Variants in MYO3A observed in about 807,000 individuals in gnomAD.
MYO3A encodes myosin-IIIa.
Under a neutral mutation model 192.7 loss-of-function variants are expected in MYO3A, and 180 were observed. The ratio of observed to expected loss-of-function variants is 0.93; its 90% CI spans 0.83 to 1.06. The LOEUF (loss-of-function observed/expected upper bound fraction) is 1.06, where lower values mean the gene tolerates loss of function less well. Ranked by LOEUF, MYO3A falls within the 50% of genes least tolerant of loss-of-function variation. The pLI, the probability that MYO3A is intolerant of heterozygous loss-of-function variation, is 0.00. For synonymous variants in MYO3A, 628 were observed against 645.3 expected, an observed-to-expected ratio of 0.97 and a Z score of 0.41; for missense variants, 1,896 against 1,905.0, an observed-to-expected ratio of 1.00 and a Z score of 0.09.
At chr10:26,007,118 C>A (rs1163753672) in intron 6 of MYO3A, among the ~76,000 whole-genome samples, 1 of 148,272 alleles carries the variant, frequency 6.7e-6, no homozygotes, top group South Asian at 2.1e-4. Flanking sequence ...TCAACAGAAC[C>A]GAAGACAAAA....
rs188758107 is a variant in MYO3A, at chr10:26,007,925, G to A, written c.509-8895G>A. 9.2e-5 allele frequency among the ~76,000 whole-genome samples: 14 copies of A among 152,204 alleles called. No individual in the cohort carries two copies. In the East Asian group the frequency reaches 2.1e-3, roughly 23 times the overall value. On this transcript the variant is annotated intron_variant, in intron 6 of 34. Transcript: ENST00000642920. ...ACCAAAAAAGAGCCTGCATCGCTAA[G>A]TCAATCCTAAGCCAAAAGAACAAAG...
intron 34 of MYO3A, among the ~76,000 whole-genome samples, chr10:26,205,407 G>T (rs553779497): frequency 1.0e-4 from 15 of 146,782 alleles, no homozygotes; most frequent in African/African-American, 3.8e-4. Flanking sequence ...TCTCTCCCCA[G>T]TCCCGTGACC....
intron 6 of MYO3A, among the ~76,000 whole-genome samples, chr10:26,009,333 T>G (rs1262751353): frequency 1.3e-5 from 2 of 152,114 alleles, no homozygotes; most frequent in Non-Finnish European, 2.9e-5. Context: ...TGTATACATA[T>G]GTAACTAACC....
At chr10:26,059,888 G>A (rs548733267) in intron 10 of MYO3A, among the ~76,000 whole-genome samples, 4 of 152,284 alleles carry the variant, frequency 2.6e-5, no homozygotes, top group South Asian at 2.1e-4. Flanking sequence ...TTGGGAGGCT[G>A]AGGCGGACGG....
intron 4 of MYO3A, among the ~76,000 whole-genome samples, chr10:25,996,182 C>T (rs1238021080): frequency 3.9e-5 from 6 of 152,352 alleles, no homozygotes; most frequent in Admixed American, 2.0e-4. Context: ...CTTTGTTCAC[C>T]TACTCAAGCC....
chr10:26,060,921 A>AC (rs1295139032), intron 10 of MYO3A, among the ~76,000 whole-genome samples: 1 of 142,390 alleles, frequency 7.0e-6, no homozygotes, highest in Non-Finnish European at 1.6e-5. Flanking sequence ...TTTTATTTTT[A>AC]TTTTTATTTT....
intron 26 of MYO3A, among the ~76,000 whole-genome samples, chr10:26,163,096 T>C (rs1295707558): frequency 6.6e-6 from 1 of 152,008 alleles, no homozygotes; most frequent in East Asian, 1.9e-4. Flanking sequence ...TCATGGAAAA[T>C]AGCAAAGAGG....
chr10:26,196,149 AAATAG>A (rs1188931973), intron 32 of MYO3A, among the ~76,000 whole-genome samples: 1 of 152,272 alleles, frequency 6.6e-6, no homozygotes, highest in Non-Finnish European at 1.5e-5. Flanking sequence ...TTATGCAATT[AAATAG>A]AACAGCAGAA....
At chr10:26,211,791 G>T in intron 34 of MYO3A, 52 bp from the exon 35 acceptor site, 1 of 1,610,494 alleles carries the variant, frequency 6.2e-7, no homozygotes, top group Non-Finnish European at 8.5e-7. Flanking sequence ...AGGTGGGGAC[G>T]CGCTGCTCAC....
intron 4 of MYO3A, among the ~76,000 whole-genome samples, chr10:25,988,212 A>G (rs915402383): frequency 6.6e-6 from 1 of 152,048 alleles, no homozygotes; most frequent in Non-Finnish European, 1.5e-5. Flanking sequence ...GACTCGGGGG[A>G]AAGTGTGGGT....
At position 26,157,345 on chromosome 10, in the gene MYO3A, G is replaced by A; in HGVS notation, c.2829G>A (p.Val943=). ...SLMDLLSKMV[V]GQPHFVRCIK... The stretch of plus-strand genomic sequence containing the variant: ...TGGATTTGTTGTCTAAAATGGTGGT[G>A]GGCCAACCTCATTTTGTCCGTTGCA... The change falls in exon 26 of 35, where the codon GTG becomes GTA. Residue 943 remains valine (V), a synonymous_variant. Transcript: ENST00000642920. 1.2e-6 allele frequency: 2 copies of A among 1,614,076 alleles called. No individual in the cohort carries two copies. The highest frequency in any genetic ancestry group is 1.7e-6 in the Non-Finnish European group (2 of 1,179,972).
Position 26,026,684 on chromosome 10 carries a change from A to G in MYO3A, c.953+152A>G. 3 of 900,354 alleles carry G rather than the reference A, an allele frequency of 3.3e-6. No homozygotes were observed. The Admixed American group carries it at 6.3e-5, about 19-fold the overall frequency. 55.8% of individuals were successfully genotyped at this position (900,354 alleles called of 1,614,324 possible). On this transcript the variant is annotated intron_variant, in intron 10 of 34. Transcript: ENST00000642920. ...GTCACCTGTTGAAATGCCTCTCAATATTGGTAAAATTACAGGCAACACTTT... is the reference window on the plus strand; with the variant it reads ...GTCACCTGTTGAAATGCCTCTCAATGTTGGTAAAATTACAGGCAACACTTT...
intron 4 of MYO3A, among the ~76,000 whole-genome samples, chr10:25,976,124 T>C (rs1219017295): frequency 6.6e-6 from 1 of 152,218 alleles, no homozygotes; most frequent in African/African-American, 2.4e-5. Flanking sequence ...GCAGAGCCAA[T>C]TGTACTCTTA....
chr10:26,097,578 A>G (rs1406833284), intron 17 of MYO3A, among the ~76,000 whole-genome samples: 1 of 133,372 alleles, frequency 7.5e-6, no homozygotes, highest in South Asian at 2.3e-4. Flanking sequence ...GATGTTCCCC[A>G]CCCTGTGTCC....
intron 30 of MYO3A, among the ~76,000 whole-genome samples, chr10:26,176,462 A>G (rs1024900861): frequency 6.6e-6 from 1 of 152,212 alleles, no homozygotes; most frequent in Non-Finnish European, 1.5e-5. Flanking sequence ...TTCTGCATGT[A>G]GCATGACGTG....
At chr10:25,960,010 C>T (rs796904982) in intron 4 of MYO3A, among the ~76,000 whole-genome samples, 6 of 152,090 alleles carry the variant, frequency 3.9e-5, no homozygotes, top group African/African-American at 1.2e-4. Context: ...TTCAGGTGAC[C>T]GCAAAAGAAC....
chr10:26,191,669 A>G (rs980982995), intron 31 of MYO3A, among the ~76,000 whole-genome samples: 4 of 152,196 alleles, frequency 2.6e-5, no homozygotes, highest in African/African-American at 7.2e-5. Flanking sequence ...GAGCTGGATA[A>G]TGTCAGAATA....
At chr10:26,145,824 T>A (rs1377359981) in intron 22 of MYO3A, among the ~76,000 whole-genome samples, 1 of 152,182 alleles carries the variant, frequency 6.6e-6, no homozygotes, top group Non-Finnish European at 1.5e-5. Flanking sequence ...CATAAGTTTA[T>A]AGTTTTTCTA....
intron 2 of MYO3A, among the ~76,000 whole-genome samples, chr10:25,946,172 T>C (rs72789925): frequency 0.044 from 6,752 of 152,306 alleles, 200 homozygotes; most frequent in Middle Eastern, 0.082. Context: ...ATGTAATTAC[T>C]TTTACTGGAG....
Sources: allele counts gnomAD v4.1 joint callset (sites outside exome capture counted in the v4.1 genomes callset), GRCh38; gene constraint gnomAD v4.1.1; transcripts MANE v1.5; gene names NCBI Gene and HGNC (gene_info 2026-07-23, HGNC 2026-07-21).